PTDSS1: variants seen among roughly 807,000 people sequenced by gnomAD.
PTDSS1 encodes PSS-1.
In PTDSS1, 45 loss-of-function variants were observed where a neutral mutation model predicts 70.5. The ratio of observed to expected loss-of-function variants is 0.64; its 90% confidence interval spans 0.50 to 0.82. The LOEUF is 0.82. Among genes scored for constraint, PTDSS1 ranks in the 40% least tolerant of loss-of-function variants. PTDSS1 has a pLI of 0.00. For synonymous variants in PTDSS1, 188 were observed against 203.8 expected (o/e 0.92, Z 0.66); for missense variants, 417 against 586.1 (o/e 0.71, Z 2.98).
chr8:96,295,004 A>G, intron 4 of PTDSS1, 94 bp from the exon 5 acceptor site: 1 of 1,219,876 alleles, frequency 8.2e-7, no homozygotes, highest in Non-Finnish European at 1.1e-6. Context: ...TTTGTTGTCA[A>G]GTTCATATCT....
chr8:96,332,093 T>C (rs1296488028), intron 12 of PTDSS1, among the ~76,000 whole-genome samples: 1 of 149,772 alleles, frequency 6.7e-6, no homozygotes, highest in African/African-American at 2.5e-5. Flanking sequence ...AGGGGGATCA[T>C]TTTAATGGCA....
intron 6 of PTDSS1, among the ~76,000 whole-genome samples, chr8:96,300,157 C>T (rs767271863): frequency 6.6e-6 from 1 of 152,152 alleles, no homozygotes; most frequent in Non-Finnish European, 1.5e-5. Flanking sequence ...AGACTCCCAT[C>T]CCTGGATCAA....
intron 2 of PTDSS1, among the ~76,000 whole-genome samples, chr8:96,278,726 C>T (rs570875432): frequency 3.0e-4 from 46 of 152,258 alleles, no homozygotes; most frequent in South Asian, 8.3e-4. Flanking sequence ...TTTCTTTCAA[C>T]GGTCGACCTT....
intron 9 of PTDSS1, among the ~76,000 whole-genome samples, chr8:96,317,909 G>GTGTATGTGTA (rs71267240): frequency 1.1e-4 from 13 of 116,940 alleles, no homozygotes; most frequent in African/African-American, 4.5e-4. Context: ...GTGTGTGTGT[G>GTGTATGTGTA]TGTGTGTGTG....
At chr8:96,286,975 G>T in intron 3 of PTDSS1, 47 bp from the exon 4 acceptor site, 1 of 1,608,852 alleles carries the variant, frequency 6.2e-7, no homozygotes, top group Non-Finnish European at 8.5e-7. Flanking sequence ...GTGTGTGTCT[G>T]ACTATTGGAT....
rs146558222 is a variant in PTDSS1, at chr8:96,305,549, C to T, written c.895-895C>T. Among the ~76,000 whole-genome samples, 311 of 152,356 alleles carry T rather than the reference C, an allele frequency of 2.0e-3. 3 individuals carry two copies. Among genetic ancestry groups the T allele is most frequent in the African/African-American group, 7.0e-3 (293 of 41,580 alleles). On this transcript the variant is annotated intron_variant, in intron 7 of 12. Transcript: ENST00000517309. ...ATGCTAACCTCAGGGAAAAGTACTA[C>T]TGCTCCCAGCTGAAACTTGGACCAA...
At chr8:96,267,998 T>C (rs1026317990) in intron 1 of PTDSS1, among the ~76,000 whole-genome samples, 1 of 152,228 alleles carries the variant, frequency 6.6e-6, no homozygotes, top group African/African-American at 2.4e-5. Flanking sequence ...GAAATGTTTA[T>C]ATCCTTCCAA....
intron 6 of PTDSS1, among the ~76,000 whole-genome samples, chr8:96,301,828 T>G (rs1811055581): frequency 6.6e-6 from 1 of 152,042 alleles, no homozygotes; most frequent in Non-Finnish European, 1.5e-5. Context: ...CTTCTAGTTC[T>G]TTAGTGGTTT....
chr8:96,327,969 GGACAA>G (rs1259936514), intron 10 of PTDSS1, among the ~76,000 whole-genome samples: 2 of 152,172 alleles, frequency 1.3e-5, no homozygotes, highest in Non-Finnish European at 2.9e-5. Context: ...CCGTTTGCTG[GGACAA>G]GTGTAAAATG....
rs1811568836 is a variant in PTDSS1, at chr8:96,334,538, T to A, written c.*972T>A. 6.5e-6 allele frequency: 1 copy of A among 152,696 alleles called. No individual in the cohort carries two copies. The highest frequency in any genetic ancestry group is 2.1e-4 in the South Asian group (1 of 4,832). 9.5% of individuals were successfully genotyped at this position (152,696 alleles called of 1,614,324 possible). On this transcript the variant is annotated 3_prime_UTR_variant, in exon 13 of 13. Coordinates refer to ENST00000517309, the MANE Select transcript of PTDSS1 (RefSeq NM_014754.3). ...CTGTTTTAAATAAAAACGATTCACT[T>A]TAAAGCCTATCAAAGGTCTGTCTGT...
At chr8:96,297,640 C>T (rs1021149448) in intron 5 of PTDSS1, among the ~76,000 whole-genome samples, 3 of 152,178 alleles carry the variant, frequency 2.0e-5, no homozygotes, top group African/African-American at 7.2e-5. Flanking sequence ...CCTGCTGCTC[C>T]TCCCTCTCTT....
At position 96,261,982 on chromosome 8, in the gene PTDSS1, G is replaced by C. The variant is rs1195488428; in HGVS notation, c.-59G>C. On this transcript the variant is annotated 5_prime_UTR_variant, in exon 1 of 13. Coordinates refer to ENST00000517309, the MANE Select transcript of PTDSS1 (RefSeq NM_014754.3). ...AGCCTACTGTGGCTAGTCACCCCCG[G>C]GGTCCCGGCCTTCTCGGGCTGGGGC... 6.5e-7 allele frequency: 1 copy of C among 1,546,758 alleles called. No homozygotes were observed. The highest frequency in any genetic ancestry group is 1.4e-5 in the African/African-American group (1 of 73,626).
chr8:96,288,922 A>G (rs182827856), intron 4 of PTDSS1, among the ~76,000 whole-genome samples: 10 of 146,976 alleles, frequency 6.8e-5, no homozygotes, highest in Admixed American at 2.7e-4. Context: ...AGCCACCACT[A>G]CTGGCCCATG....
intron 2 of PTDSS1, among the ~76,000 whole-genome samples, chr8:96,279,548 G>T (rs1026257842): frequency 3.3e-5 from 5 of 151,676 alleles, no homozygotes; most frequent in African/African-American, 1.2e-4. Flanking sequence ...GCCCAGCGTA[G>T]TGGCTCACGC....
chr8:96,273,455 G>C, intron 2 of PTDSS1, 65 bp downstream of exon 2: 1 of 1,190,840 alleles, frequency 8.4e-7, no homozygotes, highest in Non-Finnish European at 1.2e-6. Flanking sequence ...TTTGAGATGT[G>C]AGTCATCTAG....
At chr8:96,296,249 C>T (rs1396203296) in intron 5 of PTDSS1, among the ~76,000 whole-genome samples, 1 of 150,228 alleles carries the variant, frequency 6.7e-6, no homozygotes, top group African/African-American at 2.5e-5. Context: ...CGCCATTCTC[C>T]TGCCTCAGCC....
intron 9 of PTDSS1, among the ~76,000 whole-genome samples, chr8:96,317,877 CAGTG>C (rs1312228837): frequency 1.5e-5 from 2 of 132,406 alleles, no homozygotes; most frequent in African/African-American, 5.8e-5. Context: ...GCTTTTGTTT[CAGTG>C]TGTGTGTGTG....
intron 10 of PTDSS1, among the ~76,000 whole-genome samples, chr8:96,321,818 A>G (rs756862637): frequency 6.5e-4 from 99 of 152,160 alleles, no homozygotes; most frequent in Non-Finnish European, 1.1e-3. Context: ...GTCCTGTTTC[A>G]TCTTGAACAA....
intron 10 of PTDSS1, among the ~76,000 whole-genome samples, chr8:96,329,388 C>T (rs529282353): frequency 6.6e-6 from 1 of 152,338 alleles, no homozygotes; most frequent in Admixed American, 6.5e-5. Flanking sequence ...ACCCTCCCTC[C>T]CTCCTGCCTT....
Sources: gnomAD v4.1 joint callset for allele counts (sites outside exome capture counted in the v4.1 genomes callset) on GRCh38, gnomAD v4.1.1 for gene constraint, MANE v1.5 for transcripts, NCBI Gene and HGNC (gene_info 2026-07-23, HGNC 2026-07-21) for gene names.